CLYBL: variants seen among roughly 807,000 people sequenced by gnomAD.
CLYBL encodes the protein citramalyl-CoA lyase, mitochondrial.
In CLYBL, 31 loss-of-function variants were observed where a neutral mutation model predicts 38.9. The observed-to-expected ratio is 0.80, with a 90% CI of 0.60 to 1.08. The LOEUF (loss-of-function observed/expected upper bound fraction) is 1.08. CLYBL is among the 50% of genes least tolerant of loss of function. The pLI, the probability that CLYBL is intolerant of heterozygous loss-of-function variation, is 0.00. For missense variants in CLYBL, 434 were observed against 411.6 expected, an observed-to-expected ratio of 1.05 and a Z score of -0.47; for synonymous variants, 171 against 158.6, an observed-to-expected ratio of 1.08 and a Z score of -0.59.
chr13:99,816,646 C>G (rs2050454018), intron 2 of CLYBL, among the ~76,000 whole-genome samples: 1 of 152,230 alleles, frequency 6.6e-6, no homozygotes, highest in Admixed American at 6.5e-5. Context: ...CTCCTCAGAG[C>G]TCCCTTGCCC....
chr13:99,808,444 G>A (rs2050275216), intron 2 of CLYBL, among the ~76,000 whole-genome samples: 1 of 151,982 alleles, frequency 6.6e-6, no homozygotes, highest in South Asian at 2.1e-4. Context: ...AAGATATCTG[G>A]CCCATAAGCA....
chr13:99,755,739 G>A (rs1429550811), intron 1 of CLYBL, among the ~76,000 whole-genome samples: 1 of 152,158 alleles, frequency 6.6e-6, no homozygotes, highest in East Asian at 1.9e-4. Context: ...AGGGTGAGTG[G>A]GAAGTTGGCA....
chr13:99,827,751 G>C (rs1381325338), intron 2 of CLYBL, among the ~76,000 whole-genome samples: 1 of 152,210 alleles, frequency 6.6e-6, no homozygotes, highest in Admixed American at 6.5e-5. Flanking sequence ...TACATGCAAG[G>C]CTCAGACTCT....
intron 1 of CLYBL, among the ~76,000 whole-genome samples, chr13:99,752,470 G>GA (rs1225369302): frequency 2.6e-5 from 4 of 152,250 alleles, no homozygotes; most frequent in Non-Finnish European, 5.9e-5. Flanking sequence ...GATTTTTGCA[G>GA]AAAAGGAATT....
intron 1 of CLYBL, among the ~76,000 whole-genome samples, chr13:99,687,057 A>G (rs1199994594): frequency 1.3e-5 from 2 of 152,206 alleles, no homozygotes; most frequent in Non-Finnish European, 2.9e-5. Context: ...CCTGCCTTGC[A>G]TAGATTAGGG....
At chr13:99,696,564 C>A (rs749998240) in intron 1 of CLYBL, among the ~76,000 whole-genome samples, 1 of 151,972 alleles carries the variant, frequency 6.6e-6, no homozygotes, top group Non-Finnish European at 1.5e-5. Context: ...ATCTATGATT[C>A]AAGTCCTGAT....
At chr13:99,768,192 CTTTTTTTTT>C (rs58499426) in intron 1 of CLYBL, among the ~76,000 whole-genome samples, 2 of 102,672 alleles carry the variant, frequency 1.9e-5, no homozygotes, top group Non-Finnish European at 3.7e-5. Context: ...TTTTCTTTTT[CTTTTTTTTT>C]TTTTTTTTTT....
chr13:99,698,108 A>C lies in CLYBL; in HGVS notation c.63-74716A>C, dbSNP rs563897416. ...GGAAGCCTCACAGGACACATGAAAC[A>C]AATCTTTACAACACATATGTGTTTT... On this transcript the variant is annotated intron_variant, in intron 1 of 8. Coordinates refer to ENST00000339105, the MANE Select transcript of CLYBL (RefSeq NM_206808.5). Among the ~76,000 whole-genome samples, 6 of 152,364 alleles carry C rather than the reference A, an allele frequency of 3.9e-5. No homozygotes were observed. In the East Asian group the frequency reaches 1.2e-3, roughly 29 times the overall value.
chr13:99,874,291 A>G (rs2051982311), intron 7 of CLYBL, among the ~76,000 whole-genome samples: 1 of 152,222 alleles, frequency 6.6e-6, no homozygotes, highest in South Asian at 2.1e-4. Context: ...CCATCCTTCC[A>G]GAAAAATGTT....
chr13:99,765,196 T>G (rs2049245501), intron 1 of CLYBL, among the ~76,000 whole-genome samples: 1 of 152,166 alleles, frequency 6.6e-6, no homozygotes, highest in Non-Finnish European at 1.5e-5. Context: ...GAATACAATA[T>G]TTTTGGATGG....
intron 2 of CLYBL, among the ~76,000 whole-genome samples, chr13:99,797,452 T>C (rs1325669800): frequency 6.6e-6 from 1 of 152,162 alleles, no homozygotes; most frequent in Non-Finnish European, 1.5e-5. Flanking sequence ...AAATTTCTGG[T>C]TTTGGAGCTG....
chr13:99,622,922 C>T (rs1376178808), intron 1 of CLYBL, among the ~76,000 whole-genome samples: 1 of 152,154 alleles, frequency 6.6e-6, no homozygotes, highest in Non-Finnish European at 1.5e-5. Flanking sequence ...GCCTTGGACT[C>T]CTGGGCTTGA....
intron 2 of CLYBL, among the ~76,000 whole-genome samples, chr13:99,817,654 C>CAA (rs1189248896): frequency 2.2e-4 from 11 of 48,980 alleles, no homozygotes; most frequent in Non-Finnish European, 2.9e-4. Context: ...GACTCTGTCT[C>CAA]AAAAAAAAAA....
intron 9 of CLYBL, among the ~76,000 whole-genome samples, chr13:99,905,500 C>A (rs1054554885): frequency 6.6e-6 from 1 of 152,154 alleles, no homozygotes; most frequent in African/African-American, 2.4e-5. Flanking sequence ...GAAGTGAAAG[C>A]TGGGGGCAGT....
chr13:99,895,617 C>T (rs1414210940), downstream of CLYBL: 2 of 152,184 alleles, frequency 1.3e-5, no homozygotes, highest in South Asian at 4.2e-4. Flanking sequence ...CGGGCGAGCC[C>T]GCGCTTGGGA....
chr13:99,889,961 T>G (rs1369174460), intron 7 of CLYBL, among the ~76,000 whole-genome samples: 1 of 152,166 alleles, frequency 6.6e-6, no homozygotes, highest in Non-Finnish European at 1.5e-5. Context: ...GAAGGACCCC[T>G]GCAACCCAGT....
At chr13:99,860,683 A>T (rs1227676625) in intron 3 of CLYBL, among the ~76,000 whole-genome samples, 1 of 152,208 alleles carries the variant, frequency 6.6e-6, no homozygotes, top group African/African-American at 2.4e-5. Context: ...ACTGTTTTAA[A>T]TCCTTGGAAG....
At chr13:99,629,144 G>A (rs990581671) in intron 1 of CLYBL, among the ~76,000 whole-genome samples, 13 of 152,172 alleles carry the variant, frequency 8.5e-5, no homozygotes, top group African/African-American at 3.1e-4. Flanking sequence ...CTTATGCATT[G>A]GAGGGTTCCC....
At chr13:99,785,602 A>ATTT (rs34774913) in intron 2 of CLYBL, among the ~76,000 whole-genome samples, 2 of 143,532 alleles carry the variant, frequency 1.4e-5, no homozygotes, top group Non-Finnish European at 3.0e-5. Flanking sequence ...TAAATAATAC[A>ATTT]TTTTTTTTTT....
Sources: gnomAD v4.1 joint callset for allele counts (sites outside exome capture counted in the v4.1 genomes callset) on GRCh38, gnomAD v4.1.1 for gene constraint, MANE v1.5 for transcripts, NCBI Gene and HGNC (gene_info 2026-07-23, HGNC 2026-07-21) for gene names.